Variants in TUSC3 observed in about 807,000 individuals in gnomAD.
TUSC3 encodes the protein tumor suppressor candidate 3.
In TUSC3, 45 loss-of-function variants were observed where a neutral mutation model predicts 44.8. The observed-to-expected ratio is 1.00, with a 90% CI of 0.79 to 1.29. TUSC3 has a LOEUF of 1.29. TUSC3 is among the 50% of genes most tolerant of loss of function. The pLI, the probability that TUSC3 is intolerant of heterozygous loss-of-function variation, is 0.00. For missense variants in TUSC3, 519 were observed against 437.9 expected (o/e 1.19, Z -1.65); for synonymous variants, 212 against 152.9 (o/e 1.39, Z -2.85).
chr8:15,625,734 T>C (rs1805477705), intron 2 of TUSC3, among the ~76,000 whole-genome samples: 1 of 152,154 alleles, frequency 6.6e-6, no homozygotes, highest in African/African-American at 2.4e-5. Context: ...GGTTAGGTGG[T>C]AGAAAGGGAA....
At chr8:15,473,758 A>G (rs1450285267) in intron 1 of TUSC3, among the ~76,000 whole-genome samples, 1 of 152,224 alleles carries the variant, frequency 6.6e-6, no homozygotes, top group Non-Finnish European at 1.5e-5. Context: ...GGCAAAAAGC[A>G]GAACAAAGAT....
chr8:15,514,546 C>T lies in TUSC3; in HGVS notation n.189+31063C>T, dbSNP rs955558315. Among the ~76,000 whole-genome samples the T allele has an allele frequency of 9.2e-5, 14 of 152,232 alleles. No individual in the cohort carries two copies. In the East Asian group the frequency reaches 9.6e-4, roughly 10 times the overall value. ...TACAATCATGCTGAAAACGGAACTC[C>T]GCTTCTTCACAGCCCAGAGTTTCAT... On this transcript the variant is annotated intron_variant and non_coding_transcript_variant, in intron 2 of 5. Transcript: ENST00000503191.
chr8:15,851,087 C>T, the TUSC3 span, among the ~76,000 whole-genome samples: 101 of 152,282 alleles, frequency 6.6e-4, no homozygotes, highest in East Asian at 0.014. Context: ...CGACGCTTTT[C>T]GGAAGGTAAC....
intron 6 of TUSC3, among the ~76,000 whole-genome samples, chr8:15,692,547 A>G (rs4831764): frequency 0.53 from 79,974 of 151,274 alleles, 21,348 homozygotes; most frequent in Admixed American, 0.6. Context: ...CAGTTCAGGG[A>G]TTCACTTTCT....
intron 1 of TUSC3, among the ~76,000 whole-genome samples, chr8:15,573,202 C>CTCTCTCTCTCTCTCTA (rs1435847916): frequency 1.3e-5 from 1 of 74,204 alleles, no homozygotes; most frequent in Non-Finnish European, 2.4e-5. Context: ...CTCTCTCTCT[C>CTCTCTCTCTCTCTCTA]TATATATATA....
chr8:15,418,035 TTAGA>T (rs1196298350), intron 1 of TUSC3, among the ~76,000 whole-genome samples: 5 of 152,294 alleles, frequency 3.3e-5, no homozygotes, highest in African/African-American at 4.8e-5. Flanking sequence ...CCAGGTTCCG[TTAGA>T]TAGACAGTTA....
At chr8:15,653,382 A>AT (rs374725752) in intron 3 of TUSC3, among the ~76,000 whole-genome samples, 2 of 152,194 alleles carry the variant, frequency 1.3e-5, no homozygotes, top group Admixed American at 6.5e-5. Flanking sequence ...TTTTTTTTAA[A>AT]ATCTTCTGTG....
the TUSC3 span, among the ~76,000 whole-genome samples, chr8:15,833,860 T>C: frequency 6.6e-6 from 1 of 152,068 alleles, no homozygotes; most frequent in African/African-American, 2.4e-5. Flanking sequence ...AAAAAGGTGT[T>C]TTAAAGTGTG....
intron 2 of TUSC3, among the ~76,000 whole-genome samples, chr8:15,633,327 A>G (rs923125875): frequency 1.3e-5 from 2 of 152,170 alleles, no homozygotes; most frequent in Admixed American, 6.5e-5. Context: ...AGCTGATGTG[A>G]ATGCCTCAGT....
intron 10 of TUSC3, among the ~76,000 whole-genome samples, chr8:15,759,841 C>G (rs1330622157): frequency 6.6e-6 from 1 of 152,156 alleles, no homozygotes; most frequent in Non-Finnish European, 1.5e-5. Context: ...TCATTATCAT[C>G]TGCCTCCAAA....
At chr8:15,755,899 T>A (rs1438034993) in intron 9 of TUSC3, among the ~76,000 whole-genome samples, 1 of 151,990 alleles carries the variant, frequency 6.6e-6, no homozygotes, top group Non-Finnish European at 1.5e-5. Flanking sequence ...TATGGGTAAC[T>A]ACCTTATCAA....
chr8:15,824,754 A>G, the TUSC3 span, among the ~76,000 whole-genome samples: 432 of 152,318 alleles, frequency 2.8e-3, 11 homozygotes, highest in East Asian at 0.076. Flanking sequence ...AGTGTAATAA[A>G]AAAAACCTAT....
At chr8:15,577,889 G>A (rs912903322) in intron 1 of TUSC3, among the ~76,000 whole-genome samples, 7 of 150,898 alleles carry the variant, frequency 4.6e-5, no homozygotes, top group African/African-American at 1.2e-4. Context: ...CATTGAATCT[G>A]TAAATTACCT....
At chr8:15,819,036 C>G in the TUSC3 span, among the ~76,000 whole-genome samples, 3 of 151,826 alleles carry the variant, frequency 2.0e-5, no homozygotes, top group Admixed American at 2.0e-4. Context: ...CCAGCCTGGG[C>G]AACAGAGTGA....
At chr8:15,652,101 C>T (rs1806937728) in intron 3 of TUSC3, among the ~76,000 whole-genome samples, 1 of 152,122 alleles carries the variant, frequency 6.6e-6, no homozygotes, top group Non-Finnish European at 1.5e-5. Context: ...CCCTGCAGTT[C>T]ATTATTATTT....
chr8:15,720,199 T>TACACACACACACAC (rs1278052451), intron 6 of TUSC3, among the ~76,000 whole-genome samples: 64 of 100,862 alleles, frequency 6.3e-4, no homozygotes, highest in Middle Eastern at 5.7e-3. Context: ...TGTATATATA[T>TACACACACACACAC]ATACACACAC....
intron 6 of TUSC3, among the ~76,000 whole-genome samples, chr8:15,717,154 T>C (rs891494800): frequency 6.6e-6 from 1 of 152,106 alleles, no homozygotes; most frequent in African/African-American, 2.4e-5. Context: ...TCAAATGTTA[T>C]AGATAGTAAG....
At chr8:15,767,557 G>C (rs574920859), downstream of TUSC3, among the ~76,000 whole-genome samples, 3 of 152,012 alleles carry the variant, frequency 2.0e-5, no homozygotes, top group Middle Eastern at 3.2e-3. Flanking sequence ...AACTCAGCTG[G>C]ATAGCTTAAT....
At chr8:15,793,787 G>A in the TUSC3 span, among the ~76,000 whole-genome samples, 1 of 152,162 alleles carries the variant, frequency 6.6e-6, no homozygotes, top group African/African-American at 2.4e-5. Context: ...AGCACATATA[G>A]GGTCTCACTA....
Sources: allele counts gnomAD v4.1 joint callset (sites outside exome capture counted in the v4.1 genomes callset), GRCh38; gene constraint gnomAD v4.1.1; transcripts MANE v1.5; gene names NCBI Gene and HGNC (gene_info 2026-07-23, HGNC 2026-07-21).